FAM177A1: variants seen among roughly 807,000 people sequenced by gnomAD.
The protein encoded by FAM177A1 is family with sequence similarity 177 member A1, also known as protein FAM177A1.
A neutral mutation model predicts 26.1 loss-of-function variants in FAM177A1; 22 were observed. The observed-to-expected ratio is 0.84, with a 90% CI of 0.60 to 1.20. The LOEUF (loss-of-function observed/expected upper bound fraction) is 1.20. Among genes scored for constraint, FAM177A1 ranks in the 50% most tolerant of loss-of-function variants. The probability of loss-of-function intolerance (pLI) is 0.00; values close to 1 mark genes in which losing one functional copy is unlikely to be tolerated. For missense variants in FAM177A1, 296 were observed against 291.1 expected (o/e 1.02, Z -0.12); for synonymous variants, 95 against 99.3 (o/e 0.96, Z 0.26).
chr14:35,058,727 T>C (rs1368278305), intron 2 of FAM177A1, among the ~76,000 whole-genome samples: 1 of 152,018 alleles, frequency 6.6e-6, no homozygotes, highest in East Asian at 1.9e-4. Context: ...ATAAAAAACA[T>C]TAGCCATGCG....
chr14:35,078,821 G>T, intron 3 of FAM177A1, 106 bp from the exon 4 acceptor site: 2 of 696,640 alleles, frequency 2.9e-6, no homozygotes, highest in South Asian at 2.8e-5. Context: ...TAATCTCCTT[G>T]AGAGCAGGAA....
At chr14:35,053,980 G>A (rs753788810) in intron 2 of FAM177A1, among the ~76,000 whole-genome samples, 3 of 152,080 alleles carry the variant, frequency 2.0e-5, no homozygotes, top group Admixed American at 6.6e-5. Flanking sequence ...GGGACAGAGC[G>A]AGACTCTGTC....
At chr14:35,070,096 CAG>C (rs1049434142) in intron 2 of FAM177A1, among the ~76,000 whole-genome samples, 11 of 106,218 alleles carry the variant, frequency 1.0e-4, no homozygotes, top group African/African-American at 3.7e-4. Context: ...GCCTGGGCGA[CAG>C]AGTGAGACTC....
intron 2 of FAM177A1, among the ~76,000 whole-genome samples, chr14:35,057,533 C>T (rs544876104): frequency 2.4e-4 from 37 of 152,170 alleles, no homozygotes; most frequent in African/African-American, 8.9e-4. Flanking sequence ...GTGCACGCCA[C>T]CATGCCAAAT....
chr14:35,046,691 G>T, intron 1 of FAM177A1, 63 bp downstream of exon 1: 1 of 1,484,276 alleles, frequency 6.7e-7, no homozygotes. Flanking sequence ...TTCTCCGCGG[G>T]CCGCTCTTTT....
At chr14:35,077,084 C>T in intron 2 of FAM177A1, 66 bp from the exon 3 acceptor site, 1 of 1,301,628 alleles carries the variant, frequency 7.7e-7, no homozygotes, top group East Asian at 2.3e-5. Flanking sequence ...TTGACTACTT[C>T]ATTCTGGCCT....
intron 1 of FAM177A1, among the ~76,000 whole-genome samples, chr14:35,051,635 ACTC>A (rs1237054523): frequency 1.3e-5 from 2 of 151,074 alleles, no homozygotes; most frequent in African/African-American, 4.9e-5. Flanking sequence ...CTGGTCTCGA[ACTC>A]CTCACCTCAT....
chr14:35,046,197 T>G (rs2044856815), upstream of FAM177A1: 1 of 313,912 alleles, frequency 3.2e-6, no homozygotes. Context: ...GGATGCTTGC[T>G]TGGCCGGAAG....
At position 35,082,747 on chromosome 14, in the gene FAM177A1, C is replaced by T. The variant is rs962231691; in HGVS notation, c.*1519C>T. ...AGCCTTCTAAACAGCATTAAGTTTTCAATTTTAATATATCTATATAAAATA... is the reference window on the plus strand; with the variant it reads ...AGCCTTCTAAACAGCATTAAGTTTTTAATTTTAATATATCTATATAAAATA... On this transcript the variant is annotated 3_prime_UTR_variant, in exon 5 of 5. Coordinates refer to ENST00000280987, the MANE Select transcript of FAM177A1 (RefSeq NM_173607.5). The T allele has an allele frequency of 6.6e-6, 1 of 152,020 alleles. No homozygotes were observed. Among genetic ancestry groups the T allele is most frequent in the Non-Finnish European group, 1.5e-5 (1 of 68,004 alleles). The allele number at this position is 152,020 out of a possible 1,614,324, so 9.4% of individuals were successfully genotyped here.
chr14:35,072,267 TAAAAG>T (rs1056021716), intron 2 of FAM177A1, among the ~76,000 whole-genome samples: 4 of 150,478 alleles, frequency 2.7e-5, no homozygotes, highest in Non-Finnish European at 5.9e-5. Context: ...AAAGAAAAGA[TAAAAG>T]AAAGGAAAGG....
intron 1 of FAM177A1, 154 bp from the exon 2 acceptor site, chr14:35,053,124 C>T: frequency 3.1e-6 from 2 of 646,262 alleles, no homozygotes; most frequent in Non-Finnish European, 5.2e-6. Flanking sequence ...GTACTCCAGC[C>T]TGAGCAATAG....
At chr14:35,050,237 G>A (rs1425348609) in intron 1 of FAM177A1, 1 of 152,034 alleles carries the variant, frequency 6.6e-6, no homozygotes, top group East Asian at 1.9e-4. Flanking sequence ...TCACACCCTT[G>A]ACCTCAAGTT....
At chr14:35,074,040 T>A (rs951828392) in intron 2 of FAM177A1, among the ~76,000 whole-genome samples, 3 of 152,366 alleles carry the variant, frequency 2.0e-5, no homozygotes, top group African/African-American at 7.2e-5. Flanking sequence ...TCTAAAATTA[T>A]CAAGCCATCC....
rs935054483 is a variant in FAM177A1 at position 35,072,818 on chromosome 14, G to A, written c.340-4332G>A. ...TGTCTGTTAGCTCTTGAATTTCTCC[G>A]AGATCCAAATTTTGAAACGCTCCAC... On this transcript the variant is annotated intron_variant, in intron 2 of 4. Coordinates refer to ENST00000280987, the MANE Select transcript of FAM177A1 (RefSeq NM_173607.5). 2.0e-5 allele frequency among the ~76,000 whole-genome samples: 3 copies of A among 151,970 alleles called. No individual in the cohort carries two copies. In the East Asian group the frequency reaches 5.8e-4, roughly 29 times the overall value.
intron 1 of FAM177A1, among the ~76,000 whole-genome samples, chr14:35,051,988 A>G (rs1011034686): frequency 1.8e-4 from 27 of 152,232 alleles, no homozygotes; most frequent in African/African-American, 6.5e-4. Context: ...GCTTATAACC[A>G]CAAGAATCTT....
intron 2 of FAM177A1, among the ~76,000 whole-genome samples, chr14:35,060,509 T>C (rs1419062484): frequency 6.6e-6 from 1 of 152,144 alleles, no homozygotes; most frequent in African/African-American, 2.4e-5. Flanking sequence ...CTTTTCTGTT[T>C]CTTTGCATGT....
In FAM177A1 at chr14:35,073,062, C is replaced by CTCTTCT. The variant is rs139602399; in HGVS notation, c.340-4071_340-4066dup. Among the ~76,000 whole-genome samples the CTCTTCT allele has an allele frequency of 4.4e-3, 671 of 151,640 alleles. 2 individuals carry two copies. The highest frequency in any genetic ancestry group is 7.2e-3 in the Non-Finnish European group (488 of 67,870). On this transcript the variant is annotated intron_variant, in intron 2 of 4. Transcript: ENST00000280987. ...TCATGATGTTTTCTTTATCAGGGTT[C>CTCTTCT]TCTTCTTCTTCTTCTTCTTCTTTTT...
intron 2 of FAM177A1, among the ~76,000 whole-genome samples, chr14:35,059,264 C>T (rs2045112316): frequency 6.6e-6 from 1 of 151,932 alleles, no homozygotes; most frequent in South Asian, 2.1e-4. Flanking sequence ...ATATCTTCTT[C>T]CATCCCTTTT....
chr14:35,059,119 T>C (rs1448645201), intron 2 of FAM177A1, among the ~76,000 whole-genome samples: 2 of 151,974 alleles, frequency 1.3e-5, no homozygotes, highest in Admixed American at 1.3e-4. Flanking sequence ...GTATTTTTAG[T>C]ATTCACCATG....
Sources: allele counts gnomAD v4.1 joint callset (sites outside exome capture counted in the v4.1 genomes callset), GRCh38; gene constraint gnomAD v4.1.1; transcripts MANE v1.5; gene names NCBI Gene and HGNC (gene_info 2026-07-23, HGNC 2026-07-21).